Variants in ANO1 observed in about 807,000 individuals in gnomAD.
ANO1 encodes anoctamin-1.
A neutral mutation model predicts 124.0 loss-of-function variants in ANO1; 59 were observed. That is an observed-to-expected ratio of 0.48 (90% CI 0.39 to 0.59). The LOEUF is 0.59. ANO1 is among the 20% of genes least tolerant of loss of function. ANO1 has a pLI of 0.00. For synonymous variants in ANO1, 529 were observed against 532.0 expected, an observed-to-expected ratio of 0.99 and a Z score of 0.08; for missense variants, 1,059 against 1,328.0, an observed-to-expected ratio of 0.80 and a Z score of 3.15.
At chr11:70,079,711 G>A (rs896970499) in intron 1 of ANO1, among the ~76,000 whole-genome samples, 1 of 152,196 alleles carries the variant, frequency 6.6e-6, no homozygotes, top group Admixed American at 6.5e-5. Context: ...GCCCAGCAGG[G>A]CTGCTTCAAG....
chr11:70,076,412 T>G (rs2044057578), upstream of ANO1, among the ~76,000 whole-genome samples: 4 of 151,608 alleles, frequency 2.6e-5, no homozygotes, highest in South Asian at 8.3e-4. Flanking sequence ...GTGTCCAGAT[T>G]TGGCCAAGTA....
intron 1 of ANO1, among the ~76,000 whole-genome samples, chr11:70,085,010 G>A (rs1033560882): frequency 1.3e-5 from 2 of 152,130 alleles, no homozygotes; most frequent in Non-Finnish European, 2.9e-5. Context: ...TACCTGGGCC[G>A]AGAAACAGCG....
At chr11:70,136,285 T>C (rs2046952503) in intron 11 of ANO1, among the ~76,000 whole-genome samples, 1 of 152,124 alleles carries the variant, frequency 6.6e-6, no homozygotes, top group African/African-American at 2.4e-5. Context: ...TCCCCTGTGG[T>C]TCTCAAACTC....
At chr11:70,092,594 G>T (rs1054743952) in intron 2 of ANO1, among the ~76,000 whole-genome samples, 1 of 152,192 alleles carries the variant, frequency 6.6e-6, no homozygotes, top group African/African-American at 2.4e-5. Context: ...TGGTCTGGGG[G>T]ACCCAGCACC....
chr11:69,982,304 T>C (rs1855966541), upstream of ANO1, among the ~76,000 whole-genome samples: 1 of 152,156 alleles, frequency 6.6e-6, no homozygotes, highest in Admixed American at 6.5e-5. Flanking sequence ...GCTGCTCCCA[T>C]CCCTGTCTGG....
intron 2 of ANO1, among the ~76,000 whole-genome samples, chr11:70,088,288 G>T (rs2044473988): frequency 1.3e-5 from 2 of 151,990 alleles, no homozygotes; most frequent in Non-Finnish European, 2.9e-5. Flanking sequence ...GAGGGGGGTG[G>T]TTCACGAGGT....
At chr11:69,979,952 C>T in the ANO1 span, among the ~76,000 whole-genome samples, 1 of 152,120 alleles carries the variant, frequency 6.6e-6, no homozygotes, top group East Asian at 1.9e-4. Context: ...CAGGGCCTCC[C>T]CAGGGTATCC....
chr11:70,161,993 GAGTGAGGGCCCTGGGC>G (rs1233033346), intron 18 of ANO1, among the ~76,000 whole-genome samples: 1 of 149,078 alleles, frequency 6.7e-6, no homozygotes, highest in Non-Finnish European at 1.5e-5. Flanking sequence ...GAGGACCCGG[GAGTGAGGGCCCTGGGC>G]AGTGAGGACC....
intron 14 of ANO1, among the ~76,000 whole-genome samples, chr11:70,155,146 T>C (rs896018813): frequency 5.3e-5 from 8 of 152,220 alleles, no homozygotes; most frequent in Non-Finnish European, 8.8e-5. Flanking sequence ...GGTATTTAAT[T>C]CCTTCCTAAG....
At chr11:70,175,293 G>T (rs558602932) in intron 22 of ANO1, among the ~76,000 whole-genome samples, 1 of 152,380 alleles carries the variant, frequency 6.6e-6, no homozygotes, top group South Asian at 2.1e-4. Flanking sequence ...TTCCTGTCCG[G>T]TTGGCTGAAG....
intron 11 of ANO1, among the ~76,000 whole-genome samples, chr11:70,136,441 A>G (rs186759601): frequency 6.7e-6 from 1 of 148,632 alleles, no homozygotes; most frequent in African/African-American, 2.4e-5. Context: ...CAGCACCAGC[A>G]CCTCCCTCGC....
At chr11:70,029,863 T>C (rs1856971234) in intron 1 of ANO1, among the ~76,000 whole-genome samples, 1 of 152,192 alleles carries the variant, frequency 6.6e-6, no homozygotes, top group African/African-American at 2.4e-5. Context: ...TCCTCGGTCT[T>C]CACTGGGCCT....
chr11:69,993,146 C>A (rs1306434222), intron 1 of ANO1, among the ~76,000 whole-genome samples: 2 of 152,192 alleles, frequency 1.3e-5, no homozygotes, highest in East Asian at 3.9e-4. Flanking sequence ...CCAGCCACCC[C>A]CTCCTGAGAC....
intron 1 of ANO1, among the ~76,000 whole-genome samples, chr11:70,025,697 G>T (rs1856884589): frequency 9.3e-6 from 1 of 107,370 alleles, no homozygotes; most frequent in Non-Finnish European, 1.9e-5. Flanking sequence ...CGATGATGAT[G>T]GTGGTGGTGA....
At chr11:70,101,238 C>T (rs904228270) in intron 2 of ANO1, among the ~76,000 whole-genome samples, 3 of 151,974 alleles carry the variant, frequency 2.0e-5, no homozygotes, top group African/African-American at 2.4e-5. Context: ...AGGCTTCCAC[C>T]GAGGCTCTCG....
intron 11 of ANO1, among the ~76,000 whole-genome samples, chr11:70,145,943 C>CAAAAAAAAAAAAA (rs10589426): frequency 1.8e-5 from 2 of 108,702 alleles, no homozygotes; most frequent in Non-Finnish European, 3.6e-5. Context: ...TCTCAAAAAA[C>CAAAAAAAAAAAAA]AAAAAAAAAA....
At chr11:70,054,893 T>C (rs2135091809) in intron 1 of ANO1, among the ~76,000 whole-genome samples, 1 of 152,336 alleles carries the variant, frequency 6.6e-6, no homozygotes, top group African/African-American at 2.4e-5. Flanking sequence ...GCTGTACAAT[T>C]ATTTTCAAAC....
intron 1 of ANO1, among the ~76,000 whole-genome samples, chr11:70,036,422 C>T (rs939210747): frequency 3.9e-5 from 6 of 152,092 alleles, no homozygotes; most frequent in South Asian, 2.1e-4. Context: ...AATAAGTTCA[C>T]GGTCACAGGT....
intron 1 of ANO1, among the ~76,000 whole-genome samples, chr11:70,046,941 C>T (rs1857268405): frequency 6.6e-6 from 1 of 151,560 alleles, no homozygotes; most frequent in African/African-American, 2.4e-5. Flanking sequence ...ATTAGCCAGG[C>T]CTGGTTCAGG....
Sources: gnomAD v4.1 joint callset for allele counts (sites outside exome capture counted in the v4.1 genomes callset) on GRCh38, gnomAD v4.1.1 for gene constraint, MANE v1.5 for transcripts, NCBI Gene and HGNC (gene_info 2026-07-23, HGNC 2026-07-21) for gene names.